KIAA1549L: variants seen among roughly 807,000 people sequenced by gnomAD.
The protein encoded by KIAA1549L is UPF0606 protein KIAA1549L.
A neutral mutation model predicts 160.7 loss-of-function variants in KIAA1549L; 88 were observed. The ratio of observed to expected loss-of-function variants is 0.55; its 90% CI spans 0.46 to 0.65. The LOEUF is 0.65. Ranked by LOEUF, KIAA1549L falls within the 30% of genes least tolerant of loss-of-function variation. The probability of loss-of-function intolerance (pLI) is 0.00; values close to 1 mark genes in which losing one functional copy is unlikely to be tolerated. For synonymous variants in KIAA1549L, 950 were observed against 976.7 expected (o/e 0.97, Z 0.51); for missense variants, 2,258 against 2,437.5 (o/e 0.93, Z 1.55).
intron 18 of KIAA1549L, among the ~76,000 whole-genome samples, chr11:33,657,667 T>G (rs1852113301): frequency 6.6e-6 from 1 of 152,150 alleles, no homozygotes; most frequent in Non-Finnish European, 1.5e-5. Flanking sequence ...CGTACTGGCA[T>G]GCACCTATAA....
chr11:33,607,038 C>A (rs1850525239), intron 14 of KIAA1549L, among the ~76,000 whole-genome samples: 1 of 152,152 alleles, frequency 6.6e-6, no homozygotes, highest in Non-Finnish European at 1.5e-5. Flanking sequence ...TTCCTATGTT[C>A]ATTAAAAGCC....
intron 1 of KIAA1549L, among the ~76,000 whole-genome samples, chr11:33,524,426 A>C (rs1853566037): frequency 6.6e-6 from 1 of 151,576 alleles, no homozygotes; most frequent in Non-Finnish European, 1.5e-5. Flanking sequence ...TTTTGAACTT[A>C]TTTATCCTTG....
intron 17 of KIAA1549L, among the ~76,000 whole-genome samples, chr11:33,655,441 T>C (rs1852031665): frequency 6.6e-6 from 1 of 152,154 alleles, no homozygotes; most frequent in African/African-American, 2.4e-5. Flanking sequence ...CTAAACCTGC[T>C]CTCCCTTGAG....
intron 1 of KIAA1549L, among the ~76,000 whole-genome samples, chr11:33,465,893 A>G (rs1050556147): frequency 6.6e-6 from 1 of 152,248 alleles, no homozygotes; most frequent in Admixed American, 6.5e-5. Flanking sequence ...TAAAAACCCT[A>G]GAAGAAAACC....
chr11:33,615,092 G>C (rs945221535), intron 15 of KIAA1549L, among the ~76,000 whole-genome samples: 1 of 151,814 alleles, frequency 6.6e-6, no homozygotes, highest in African/African-American at 2.4e-5. Flanking sequence ...CCTTCCCTCT[G>C]TCATTTCCCC....
intron 13 of KIAA1549L, among the ~76,000 whole-genome samples, chr11:33,600,947 T>A (rs1850343365): frequency 6.6e-6 from 1 of 152,118 alleles, no homozygotes; most frequent in African/African-American, 2.4e-5. Context: ...ACTCCCCACT[T>A]AGCTGGTGAA....
intron 1 of KIAA1549L, among the ~76,000 whole-genome samples, chr11:33,459,960 CAAAA>C (rs61580338): frequency 1.5e-5 from 1 of 67,216 alleles, no homozygotes; most frequent in Non-Finnish European, 2.6e-5. Flanking sequence ...GACTCCGTCT[CAAAA>C]AAAAAAAAAA....
At chr11:33,441,378 C>T (rs2132946642) in intron 1 of KIAA1549L, among the ~76,000 whole-genome samples, 1 of 151,932 alleles carries the variant, frequency 6.6e-6, no homozygotes, top group South Asian at 2.1e-4. Flanking sequence ...CCGCAATAAA[C>T]ATATGTGTGC....
chr11:33,441,078 A>G (rs1340781509), intron 1 of KIAA1549L, among the ~76,000 whole-genome samples: 1 of 84,782 alleles, frequency 1.2e-5, no homozygotes, highest in Admixed American at 1.5e-4. Context: ...CCCTCCCCCT[A>G]CCTCACAACA....
rs777540726 is a variant in KIAA1549L, at chr11:33,606,763, C to T, written c.5002C>T (p.Pro1668Ser). The T allele has an allele frequency of 3.1e-6, 5 of 1,613,488 alleles. No homozygotes were observed. In the African/African-American group the frequency reaches 6.7e-5, roughly 22 times the overall value. The part of the protein sequence containing the change: ...QLIAIKPTAL[P>S]MVPPTSDRSQ... ...CATTGCCATAAAACCCACAGCCCTC[C>T]CCATGGTGCCCCCCACCTCGGACAG... The change falls in exon 14 of 21, where the codon CCC becomes TCC. Residue 1668 changes from proline to serine, a missense_variant. Coordinates refer to ENST00000658780, the MANE Select transcript of KIAA1549L (RefSeq NM_012194.3).
chr11:33,630,998 A>T (rs1851271667), intron 16 of KIAA1549L, among the ~76,000 whole-genome samples: 1 of 152,300 alleles, frequency 6.6e-6, no homozygotes, highest in South Asian at 2.1e-4. Context: ...AGGTGGAGGC[A>T]CGTGCAACGT....
intron 3 of KIAA1549L, 96 bp downstream of exon 3, chr11:33,545,474 C>T: frequency 7.3e-7 from 1 of 1,372,942 alleles, no homozygotes; most frequent in South Asian, 1.5e-5. Flanking sequence ...AACCAGGGGA[C>T]ATTTTTCCAC....
At position 33,670,901 on chromosome 11, in the gene KIAA1549L, C is replaced by A. The variant is rs1852652848; in HGVS notation, c.*2747C>A. 6.6e-6 allele frequency: 1 copy of A among 152,236 alleles called. No homozygotes were observed. The highest frequency in any genetic ancestry group is 2.1e-4 in the South Asian group (1 of 4,828). 9.4% of individuals were successfully genotyped at this position (152,236 alleles called of 1,614,324 possible). A position where few individuals can be genotyped will look rare whatever the true frequency, so the allele number is the denominator to read the frequency against. On this transcript the variant is annotated 3_prime_UTR_variant, in exon 21 of 21. Transcript: ENST00000658780. ...TGGCCCAGTGATTCAGTCCCAACCT[C>A]CTGGTTCACGAACCTGCTTGCTTTC...
intron 11 of KIAA1549L, among the ~76,000 whole-genome samples, chr11:33,586,333 A>G (rs1278069758): frequency 1.3e-5 from 2 of 152,212 alleles, no homozygotes; most frequent in Non-Finnish European, 2.9e-5. Context: ...AGCCGAGACC[A>G]GAGTATGGAT....
intron 1 of KIAA1549L, among the ~76,000 whole-genome samples, chr11:33,448,357 G>A (rs902327662): frequency 2.0e-5 from 3 of 152,202 alleles, no homozygotes; most frequent in Non-Finnish European, 4.4e-5. Flanking sequence ...CGATGAGTGA[G>A]CCTTATTCTC....
intron 12 of KIAA1549L, among the ~76,000 whole-genome samples, chr11:33,593,280 A>G (rs1016593927): frequency 2.6e-5 from 4 of 152,142 alleles, no homozygotes; most frequent in African/African-American, 9.7e-5. Flanking sequence ...ATAAAATTAT[A>G]TAAAAAATAT....
intron 1 of KIAA1549L, among the ~76,000 whole-genome samples, chr11:33,438,919 T>A (rs187565804): frequency 1.3e-4 from 19 of 151,280 alleles, no homozygotes; most frequent in Non-Finnish European, 1.5e-5. Flanking sequence ...CCAAGTAAAC[T>A]GAATTTATTT....
chr11:33,644,497 AAAGT>A (rs1427338092), intron 16 of KIAA1549L, among the ~76,000 whole-genome samples: 3 of 152,242 alleles, frequency 2.0e-5, no homozygotes, highest in African/African-American at 4.8e-5. Flanking sequence ...TTGAATGAAT[AAAGT>A]AATAGTGATG....
intron 16 of KIAA1549L, among the ~76,000 whole-genome samples, chr11:33,618,869 A>G (rs141612537): frequency 1.6e-4 from 25 of 152,354 alleles, no homozygotes; most frequent in African/African-American, 6.0e-4. Flanking sequence ...AAGGATCACG[A>G]TTTCCGAATT....
Sources: allele counts gnomAD v4.1 joint callset (sites outside exome capture counted in the v4.1 genomes callset), GRCh38; gene constraint gnomAD v4.1.1; transcripts MANE v1.5; gene names NCBI Gene and HGNC (gene_info 2026-07-23, HGNC 2026-07-21).